MACROD2: variants seen among roughly 807,000 people sequenced by gnomAD.
The protein encoded by MACROD2 is mono-ADP ribosylhydrolase 2.
A neutral mutation model predicts 70.4 loss-of-function variants in MACROD2; 36 were observed. That is an observed-to-expected ratio of 0.51 (90% CI 0.39 to 0.68). The LOEUF (loss-of-function observed/expected upper bound fraction) is 0.68, where lower values mean the gene tolerates loss of function less well. Ranked by LOEUF, MACROD2 falls within the 30% of genes least tolerant of loss-of-function variation. The pLI is 0.00. For missense variants in MACROD2, 496 were observed against 538.4 expected (o/e 0.92, Z 0.78); for synonymous variants, 172 against 178.8 (o/e 0.96, Z 0.30).
intron 5 of MACROD2, among the ~76,000 whole-genome samples, chr20:14,712,826 A>G (rs766531595): frequency 1.3e-5 from 2 of 152,124 alleles, no homozygotes; most frequent in Non-Finnish European, 2.9e-5. Context: ...CAGAGCAGAA[A>G]TGTTTGCTTG....
intron 3 of MACROD2, among the ~76,000 whole-genome samples, chr20:14,195,896 G>A (rs990864020): frequency 2.0e-5 from 3 of 152,128 alleles, no homozygotes; most frequent in Non-Finnish European, 4.4e-5. Flanking sequence ...GGACACCAAG[G>A]CCAGAACCTC....
At chr20:14,706,191 G>C (rs1247653763) in intron 5 of MACROD2, among the ~76,000 whole-genome samples, 1 of 151,984 alleles carries the variant, frequency 6.6e-6, no homozygotes, top group African/African-American at 2.4e-5. Flanking sequence ...GCACACACCT[G>C]TAGTCCCAGC....
chr20:14,510,998 T>C (rs1190503182), intron 4 of MACROD2, among the ~76,000 whole-genome samples: 1 of 152,072 alleles, frequency 6.6e-6, no homozygotes, highest in African/African-American at 2.4e-5. Context: ...AATGTTTTTT[T>C]GGTAAGTCAG....
rs5840661 is a variant in MACROD2 at position 15,224,959 on chromosome 20, T to TA, written c.419-4961dup. On this transcript the variant is annotated intron_variant, in intron 5 of 17. Coordinates refer to ENST00000684519, the MANE Select transcript of MACROD2 (RefSeq NM_001351661.2). ...TGGGCAACAGAGCGAGACTTTGTCTTAAAAAAAAAAAAAAAAAAAAGTATG... is the reference window on the plus strand; with the variant it reads ...TGGGCAACAGAGCGAGACTTTGTCTTAAAAAAAAAAAAAAAAAAAAAGTATG... 5.4e-3 allele frequency among the ~76,000 whole-genome samples: 667 copies of TA among 124,502 alleles called. 7 individuals are homozygous for TA. Among genetic ancestry groups the TA allele is most frequent in the Middle Eastern group, 0.012 (3 of 242 alleles). The allele number at this position is 124,502 out of a possible 152,430, so 81.7% of individuals were successfully genotyped here. A position where few individuals can be genotyped will look rare whatever the true frequency, so the allele number is the denominator to read the frequency against.
chr20:15,997,190 T>C (rs2066644204), intron 15 of MACROD2, among the ~76,000 whole-genome samples: 1 of 152,172 alleles, frequency 6.6e-6, no homozygotes, highest in African/African-American at 2.4e-5. Context: ...ATTTGGGATA[T>C]TTTGTGTTTC....
Position 15,021,214 on chromosome 20 carries a change from A to G in MACROD2, c.419-208726A>G, listed in dbSNP as rs369724070. Reference sequence around the variant, plus strand: ...TACACACACCTGTGTGTATGTATACACATACAGGTGTGCGTATACACACAC... The same window carrying G: ...TACACACACCTGTGTGTATGTATACGCATACAGGTGTGCGTATACACACAC... On this transcript the variant is annotated intron_variant, in intron 5 of 17. Transcript: ENST00000684519. Among the ~76,000 whole-genome samples, 32 of 93,810 alleles carry G rather than the reference A, an allele frequency of 3.4e-4. 2 individuals carry two copies. The highest frequency in any genetic ancestry group is 8.6e-4 in the African/African-American group (21 of 24,520). 61.5% of individuals were successfully genotyped at this position (93,810 alleles called of 152,430 possible).
intron 7 of MACROD2, among the ~76,000 whole-genome samples, chr20:15,495,950 G>A (rs1271555195): frequency 1.3e-5 from 2 of 152,136 alleles, no homozygotes; most frequent in East Asian, 1.9e-4. Flanking sequence ...AGAGGAAAGA[G>A]CATGAGCAAG....
chr20:15,393,823 T>G (rs1400062383), intron 6 of MACROD2, among the ~76,000 whole-genome samples: 1 of 152,190 alleles, frequency 6.6e-6, no homozygotes, highest in African/African-American at 2.4e-5. Context: ...TTGATTGCTC[T>G]CTCTCTCTGA....
intron 3 of MACROD2, among the ~76,000 whole-genome samples, chr20:14,416,104 A>G (rs939756623): frequency 6.6e-6 from 1 of 151,760 alleles, no homozygotes; most frequent in Non-Finnish European, 1.5e-5. Context: ...GATTACAGGC[A>G]CACACCACCA....
chr20:14,140,463 G>C (rs1333602198), intron 3 of MACROD2, among the ~76,000 whole-genome samples: 5 of 152,196 alleles, frequency 3.3e-5, no homozygotes, highest in Non-Finnish European at 7.4e-5. Context: ...CATAGCATTT[G>C]ATTTGGCCTG....
At chr20:15,229,398 G>A (rs2076940234) in intron 5 of MACROD2, among the ~76,000 whole-genome samples, 1 of 152,108 alleles carries the variant, frequency 6.6e-6, no homozygotes, top group African/African-American at 2.4e-5. Flanking sequence ...TTCAAAATTG[G>A]CAGGAATGTT....
At chr20:14,579,127 C>CTTTTTTT (rs71190141) in intron 4 of MACROD2, among the ~76,000 whole-genome samples, 42 of 74,358 alleles carry the variant, frequency 5.6e-4, no homozygotes, top group Non-Finnish European at 6.7e-4. Context: ...GTATCCAATT[C>CTTTTTTT]TTTTTTTTTT....
intron 3 of MACROD2, among the ~76,000 whole-genome samples, chr20:14,418,672 T>A (rs373632878): frequency 1.1e-4 from 17 of 152,244 alleles, no homozygotes; most frequent in African/African-American, 4.1e-4. Context: ...CAGCTCATCA[T>A]ATTCAGGAAA....
At chr20:15,295,518 G>A (rs1411115335) in intron 6 of MACROD2, among the ~76,000 whole-genome samples, 2 of 151,732 alleles carry the variant, frequency 1.3e-5, no homozygotes, top group East Asian at 1.9e-4. Context: ...GTGTATAAGT[G>A]AAATAGCGAT....
At chr20:15,724,939 G>A (rs946762277) in intron 8 of MACROD2, among the ~76,000 whole-genome samples, 9 of 151,976 alleles carry the variant, frequency 5.9e-5, no homozygotes, top group African/African-American at 1.7e-4. Context: ...AAAATTAGCC[G>A]GGTATGGTGG....
chr20:16,015,172 T>C (rs370406702), intron 15 of MACROD2, among the ~76,000 whole-genome samples: 11 of 152,342 alleles, frequency 7.2e-5, no homozygotes, highest in African/African-American at 2.6e-4. Flanking sequence ...AACAATATTG[T>C]TATAAAGTAA....
At chr20:15,957,231 T>G (rs2147381295) in intron 12 of MACROD2, among the ~76,000 whole-genome samples, 3 of 152,276 alleles carry the variant, frequency 2.0e-5, no homozygotes, top group Middle Eastern at 6.8e-3. Flanking sequence ...GGAGTATTCA[T>G]TTTGTGATAA....
chr20:15,294,158 T>C (rs2077566192), intron 6 of MACROD2, among the ~76,000 whole-genome samples: 2 of 150,422 alleles, frequency 1.3e-5, no homozygotes, highest in Admixed American at 6.6e-5. Context: ...AGTTTTTATA[T>C]AAACTCTAGA....
At chr20:15,407,691 G>A (rs1388155652) in intron 6 of MACROD2, among the ~76,000 whole-genome samples, 1 of 152,144 alleles carries the variant, frequency 6.6e-6, no homozygotes, top group Non-Finnish European at 1.5e-5. Flanking sequence ...ACAAAATGGG[G>A]TCAGTGATAA....
Sources: allele counts gnomAD v4.1 joint callset (sites outside exome capture counted in the v4.1 genomes callset), GRCh38; gene constraint gnomAD v4.1.1; transcripts MANE v1.5; gene names NCBI Gene and HGNC (gene_info 2026-07-23, HGNC 2026-07-21).